Variants in DLC1 observed in about 807,000 individuals in gnomAD.
DLC1 encodes the protein DLC1 Rho GTPase activating protein.
Under a neutral mutation model 140.3 loss-of-function variants are expected in DLC1, and 54 were observed. That is an observed-to-expected ratio of 0.38 (90% CI 0.31 to 0.48). DLC1 has a LOEUF of 0.48. DLC1 is among the 20% of genes least tolerant of loss of function. The pLI, the probability that DLC1 is intolerant of heterozygous loss-of-function variation, is 0.96. For missense variants in DLC1, 2,536 were observed against 1,907.0 expected, an observed-to-expected ratio of 1.33 and a Z score of -6.14; for synonymous variants, 986 against 728.1, an observed-to-expected ratio of 1.35 and a Z score of -5.70.
At chr8:13,537,702 A>G (rs112044914) in intron 1 of DLC1, among the ~76,000 whole-genome samples, 3,335 of 134,908 alleles carry the variant, frequency 0.025, 79 homozygotes, top group Non-Finnish European at 0.035. Context: ...CACCCAGGCT[A>G]GAATGCAGTG....
Position 13,499,995 on chromosome 8 carries a change from T to A in DLC1, c.77A>T (p.Asp26Val), listed in dbSNP as rs1212051176. 1.2e-6 allele frequency: 2 copies of A among 1,614,138 alleles called. No homozygotes were observed. The highest frequency in any genetic ancestry group is 2.2e-5 in the East Asian group (1 of 44,876). Reference protein sequence around the residue: ...HWMGQPFNSDDRNTACHHGLV... With the variant: ...HWMGQPFNSDVRNTACHHGLV... Reference sequence around the variant, plus strand: ...TCCATGATGACATGCTGTGTTACGATCATCAGAATTAAAAGGCTGTCCCAT... The same window carrying A: ...TCCATGATGACATGCTGTGTTACGAACATCAGAATTAAAAGGCTGTCCCAT... The change falls in exon 2 of 18, where the codon GAT (aspartate) becomes GTT (valine). Residue 26 changes from aspartate (D) to valine (V), a missense_variant. Coordinates refer to ENST00000276297, the MANE Select transcript of DLC1 (RefSeq NM_182643.3).
At chr8:13,344,016 T>C (rs1160218904) in intron 4 of DLC1, among the ~76,000 whole-genome samples, 1 of 152,182 alleles carries the variant, frequency 6.6e-6, no homozygotes, top group Non-Finnish European at 1.5e-5. Context: ...GGCAAAGATT[T>C]CTCAGAATCT....
chr8:13,372,053 G>A (rs764031908), intron 4 of DLC1, among the ~76,000 whole-genome samples: 3 of 152,192 alleles, frequency 2.0e-5, no homozygotes, highest in South Asian at 4.2e-4. Context: ...TCGGGGCATC[G>A]TGCATGTGAC....
Position 13,413,256 on chromosome 8 carries a change from ATT to A in DLC1, c.1024-11639_1024-11638del, listed in dbSNP as rs58038503. 1.6e-4 allele frequency among the ~76,000 whole-genome samples: 13 copies of A among 82,022 alleles called. 1 individual carries two copies. The highest frequency in any genetic ancestry group is 9.2e-4 in the East Asian group (2 of 2,178). 53.8% of individuals were successfully genotyped at this position (82,022 alleles called of 152,430 possible). On this transcript the variant is annotated intron_variant, in intron 2 of 17. Transcript: ENST00000276297. ...TAAAACATTATGAGATTTTTTTGCG[ATT>A]TTTTTTTTTTTTTTTTTTTAGCTCA...
intron 1 of DLC1, among the ~76,000 whole-genome samples, chr8:13,561,506 T>C (rs1424603514): frequency 6.6e-6 from 1 of 152,230 alleles, no homozygotes; most frequent in Non-Finnish European, 1.5e-5. Flanking sequence ...TAAACTTATT[T>C]TTTTAATGCA....
intron 1 of DLC1, among the ~76,000 whole-genome samples, chr8:13,559,991 A>G (rs1252708064): frequency 6.6e-6 from 1 of 152,242 alleles, no homozygotes; most frequent in Non-Finnish European, 1.5e-5. Context: ...TAAGGCAGCT[A>G]TCTATTGGAC....
chr8:13,353,878 T>C (rs1563277754), intron 4 of DLC1, among the ~76,000 whole-genome samples: 2 of 151,976 alleles, frequency 1.3e-5, no homozygotes, highest in South Asian at 4.2e-4. Flanking sequence ...AAAAAAGATT[T>C]TTCTCAAATA....
chr8:13,579,604 T>C (rs1389515758), intron 1 of DLC1, among the ~76,000 whole-genome samples: 1 of 135,608 alleles, frequency 7.4e-6, no homozygotes, highest in East Asian at 2.0e-4. Flanking sequence ...ATATTTAATA[T>C]ATTATATTTT....
chr8:13,464,050 A>G (rs1027581794), intron 2 of DLC1, among the ~76,000 whole-genome samples: 17 of 152,262 alleles, frequency 1.1e-4, no homozygotes, highest in African/African-American at 3.9e-4. Flanking sequence ...GCAAAATGCA[A>G]GAAAAAAATT....
intron 7 of DLC1, among the ~76,000 whole-genome samples, chr8:13,107,088 C>T (rs979423682): frequency 1.9e-4 from 29 of 152,230 alleles, no homozygotes; most frequent in African/African-American, 7.0e-4. Flanking sequence ...AAAGCCGTTT[C>T]TCCAAGGGAA....
chr8:13,584,115 G>A (rs936411001), intron 1 of DLC1: 3 of 153,082 alleles, frequency 2.0e-5, no homozygotes, highest in African/African-American at 7.2e-5. Flanking sequence ...TTGCTTTGTT[G>A]GTACTGTTCT....
At chr8:13,395,481 C>T (rs1207619629) in intron 3 of DLC1, among the ~76,000 whole-genome samples, 1 of 152,148 alleles carries the variant, frequency 6.6e-6, no homozygotes, top group African/African-American at 2.4e-5. Context: ...GTAAGGACTT[C>T]ACCTGTCTTG....
chr8:13,574,178 C>T (rs1362685598), intron 1 of DLC1, among the ~76,000 whole-genome samples: 1 of 152,140 alleles, frequency 6.6e-6, no homozygotes, highest in Non-Finnish European at 1.5e-5. Flanking sequence ...TGTATATATA[C>T]ACATTCTTTT....
Position 13,499,648 on chromosome 8 carries a change from G to A in DLC1, c.424C>T (p.Gln142Ter). The change falls in exon 2 of 18, where the codon CAA (glutamine) becomes TAA (stop). Residue 142 changes from glutamine (Q) to a stop codon, truncating the protein, a stop_gained. Coordinates refer to ENST00000276297, the MANE Select transcript of DLC1 (RefSeq NM_182643.3). LOFTEE classifies it high-confidence loss of function. ...GQKTSGQHMI[Q>*]GAGSLEKALP... ...GCCTTTTCTAAGGAGCCTGCTCCTT[G>A]GATCATATGTTGGCCTGATGTTTTC... 6.2e-7 allele frequency: 1 copy of A among 1,614,100 alleles called. No individual in the cohort carries two copies. The highest frequency in any genetic ancestry group is 8.5e-7 in the Non-Finnish European group (1 of 1,180,010).
intron 1 of DLC1, among the ~76,000 whole-genome samples, chr8:13,531,227 T>C (rs940447548): frequency 6.6e-6 from 1 of 152,208 alleles, no homozygotes; most frequent in Non-Finnish European, 1.5e-5. Flanking sequence ...CAGTCTATAA[T>C]AATTTGCTAT....
chr8:13,157,048 A>G (rs56035788), intron 5 of DLC1, among the ~76,000 whole-genome samples: 9,282 of 152,196 alleles, frequency 0.061, 940 homozygotes, highest in African/African-American at 0.21. Context: ...GAACCTTGAG[A>G]CTGATTTACC....
intron 2 of DLC1, among the ~76,000 whole-genome samples, chr8:13,417,679 A>G (rs1326324734): frequency 6.6e-6 from 1 of 152,144 alleles, no homozygotes; most frequent in Non-Finnish European, 1.5e-5. Flanking sequence ...ATACGTCTGC[A>G]TGTGTCTTTA....
chr8:13,566,741 C>CCGGCGCAAG (rs1381076685), intron 1 of DLC1: 5 of 493,450 alleles, frequency 1.0e-5, no homozygotes, highest in East Asian at 3.2e-5. Context: ...AATCGCCAAC[C>CCGGCGCAAG]CGGCGCAAGC....
At chr8:13,177,828 T>C (rs1188112520) in intron 5 of DLC1, among the ~76,000 whole-genome samples, 1 of 152,332 alleles carries the variant, frequency 6.6e-6, no homozygotes, top group South Asian at 2.1e-4. Context: ...GTGGAACTAT[T>C]CCAATTTAAT....
Sources: allele counts gnomAD v4.1 joint callset (sites outside exome capture counted in the v4.1 genomes callset), GRCh38; gene constraint gnomAD v4.1.1; transcripts MANE v1.5; gene names NCBI Gene and HGNC (gene_info 2026-07-23, HGNC 2026-07-21).